The following SIPA1L3 variants were observed in gnomAD, a reference collection of about 807,000 sequenced individuals.
The protein encoded by SIPA1L3 is signal-induced proliferation-associated 1-like protein 3.
A neutral mutation model predicts 150.1 loss-of-function variants in SIPA1L3; 59 were observed. The ratio of observed to expected loss-of-function variants is 0.39; its 90% CI spans 0.32 to 0.49. The LOEUF is 0.49. Ranked by LOEUF, SIPA1L3 falls within the 20% of genes least tolerant of loss-of-function variation. The pLI, the probability that SIPA1L3 is intolerant of heterozygous loss-of-function variation, is 0.86. For missense variants in SIPA1L3, 2,211 were observed against 2,489.5 expected (o/e 0.89, Z 2.38); for synonymous variants, 1,070 against 1,077.6 (o/e 0.99, Z 0.14).
Position 38,193,597 on chromosome 19 carries a change from C to A in SIPA1L3, c.4657C>A (p.Arg1553=). The A allele has an allele frequency of 6.4e-7, 1 of 1,561,020 alleles. No homozygotes were observed. Among genetic ancestry groups the A allele is most frequent in the Non-Finnish European group, 8.6e-7 (1 of 1,163,952 alleles). The change falls in exon 18 of 22, where the codon CGG becomes AGG. Residue 1553 remains arginine, a synonymous_variant. Coordinates refer to ENST00000222345, the MANE Select transcript of SIPA1L3 (RefSeq NM_015073.3). The part of the protein sequence containing the change: ...LSDESLCSGR[R]EPSFASPAGL... ...GGACGAGAGCCTGTGCAGCGGGCGC[C>A]GGGAGCCCAGCTTCGCCAGCCCCGC...
At chr19:37,968,142 C>T (rs191154301) in intron 1 of SIPA1L3, among the ~76,000 whole-genome samples, 1 of 135,042 alleles carries the variant, frequency 7.4e-6, no homozygotes, top group East Asian at 2.8e-4. Context: ...GGCGCGATCT[C>T]AGCTCATGCA....
intron 1 of SIPA1L3, among the ~76,000 whole-genome samples, chr19:37,941,006 A>G (rs897182037): frequency 2.0e-5 from 3 of 150,698 alleles, no homozygotes; most frequent in Non-Finnish European, 4.4e-5. Context: ...TTATTCTTCT[A>G]TCTCTGTGTT....
At chr19:38,111,677 G>GT (rs1300250586) in intron 8 of SIPA1L3, among the ~76,000 whole-genome samples, 3 of 152,220 alleles carry the variant, frequency 2.0e-5, no homozygotes, top group African/African-American at 7.2e-5. Context: ...TGCTGCACAT[G>GT]TTGCCCGCTG....
chr19:38,173,465 C>T (rs866318573), intron 15 of SIPA1L3, among the ~76,000 whole-genome samples: 3 of 152,266 alleles, frequency 2.0e-5, no homozygotes, highest in Non-Finnish European at 2.9e-5. Context: ...ACCTGGCCCT[C>T]GCCCTCTCCT....
chr19:37,947,062 C>T (rs1228792535), intron 1 of SIPA1L3, among the ~76,000 whole-genome samples: 2 of 152,090 alleles, frequency 1.3e-5, no homozygotes, highest in East Asian at 1.9e-4. Flanking sequence ...GGTGTGGTGG[C>T]GCACACCTGT....
At chr19:38,009,378 A>C (rs1203048338) in intron 1 of SIPA1L3, among the ~76,000 whole-genome samples, 1 of 152,028 alleles carries the variant, frequency 6.6e-6, no homozygotes, top group Non-Finnish European at 1.5e-5. Context: ...TCCAGTGTGG[A>C]GGCACTCTCC....
At chr19:38,122,890 T>C (rs1476476270) in intron 9 of SIPA1L3, among the ~76,000 whole-genome samples, 1 of 152,156 alleles carries the variant, frequency 6.6e-6, no homozygotes, top group East Asian at 1.9e-4. Context: ...TTATCTAAGA[T>C]TGCACACCCC....
chr19:38,020,088 G>GTC (rs528133914), intron 1 of SIPA1L3, among the ~76,000 whole-genome samples: 1 of 135,672 alleles, frequency 7.4e-6, no homozygotes, highest in African/African-American at 2.5e-5. Context: ...GTGAGACCCC[G>GTC]TCTCTCTCTC....
chr19:38,042,471 G>A (rs528746681), intron 2 of SIPA1L3, among the ~76,000 whole-genome samples: 1 of 152,254 alleles, frequency 6.6e-6, no homozygotes, highest in South Asian at 2.1e-4. Flanking sequence ...TGCTTAAAGA[G>A]CATGTTTACA....
chr19:38,075,793 A>T (rs1969824711), intron 2 of SIPA1L3, among the ~76,000 whole-genome samples: 1 of 151,676 alleles, frequency 6.6e-6, no homozygotes, highest in South Asian at 2.1e-4. Flanking sequence ...GAAAAAAAAA[A>T]CAGAAAAGAA....
chr19:38,090,765 G>A (rs973429014), intron 4 of SIPA1L3, among the ~76,000 whole-genome samples: 5 of 152,228 alleles, frequency 3.3e-5, no homozygotes, highest in African/African-American at 1.2e-4. Flanking sequence ...TGACTGTGGG[G>A]CCAGCCAAGT....
intron 18 of SIPA1L3, among the ~76,000 whole-genome samples, chr19:38,195,805 C>CCA (rs1568605347): frequency 1.5e-5 from 2 of 130,752 alleles, no homozygotes; most frequent in Non-Finnish European, 3.4e-5. Flanking sequence ...CCCCCCCGCC[C>CCA]CCCCGGGTTT....
At chr19:37,966,543 C>G (rs2046905903) in intron 1 of SIPA1L3, among the ~76,000 whole-genome samples, 1 of 152,206 alleles carries the variant, frequency 6.6e-6, no homozygotes, top group South Asian at 2.1e-4. Context: ...CCACCTCCCT[C>G]TGCACCGTCC....
intron 16 of SIPA1L3, 26 bp downstream of exon 16, chr19:38,182,766 C>T (rs761979507): frequency 3.8e-6 from 6 of 1,564,994 alleles, no homozygotes; most frequent in Middle Eastern, 2.1e-4. Flanking sequence ...TCCAGCGAGG[C>T]GCCCGCCAGA....
intron 10 of SIPA1L3, among the ~76,000 whole-genome samples, chr19:38,139,953 C>A (rs1167893751): frequency 6.6e-6 from 1 of 152,204 alleles, no homozygotes; most frequent in African/African-American, 2.4e-5. Context: ...TTCATGAGGG[C>A]TCTGCCCTAA....
In SIPA1L3 at chr19:38,164,337, G is replaced by A; in HGVS notation, c.3781-142G>A. 5 of 780,352 alleles carry A rather than the reference G, an allele frequency of 6.4e-6. No homozygotes were observed. Among genetic ancestry groups the A allele is most frequent in the East Asian group, 2.5e-5 (1 of 39,890 alleles). 48.3% of individuals were successfully genotyped at this position (780,352 alleles called of 1,614,324 possible). A position where few individuals can be genotyped will look rare whatever the true frequency, so the allele number is the denominator to read the frequency against. The stretch of plus-strand genomic sequence containing the variant: ...GAGGGAAGGTAAATCACTTGCCCAA[G>A]GTAACACGGCCAGTAGATGAGAAGC... On this transcript the variant is annotated intron_variant, in intron 14 of 21. Transcript: ENST00000222345. The surrounding 1 kb of genome is among the most constrained non-coding windows in gnomAD (Gnocchi z 4.1).
chr19:38,131,589 TG>T, intron 10 of SIPA1L3: 1 of 156,158 alleles, frequency 6.4e-6, no homozygotes, highest in Non-Finnish European at 1.4e-5. Context: ...AGTGGGAAGC[TG>T]GTAGGTGACT....
chr19:38,140,794 A>G (rs1006984612), intron 10 of SIPA1L3, among the ~76,000 whole-genome samples: 11 of 151,974 alleles, frequency 7.2e-5, no homozygotes, highest in African/African-American at 2.4e-4. Flanking sequence ...GCGGTGGCTC[A>G]CTCCTATAAT....
intron 2 of SIPA1L3, among the ~76,000 whole-genome samples, chr19:38,069,846 TTG>T (rs1491060986): frequency 2.1e-4 from 32 of 151,056 alleles, no homozygotes; most frequent in Admixed American, 1.2e-3. Context: ...TTTTTTTTTT[TTG>T]TATTTTTAGT....
Sources: gnomAD v4.1 joint callset for allele counts (sites outside exome capture counted in the v4.1 genomes callset) on GRCh38, gnomAD v4.1.1 for gene constraint, Gnocchi (gnomAD v3.1) non-coding constraint, MANE v1.5 for transcripts, NCBI Gene and HGNC (gene_info 2026-07-23, HGNC 2026-07-21) for gene names.